The following TMED8 variants were observed in gnomAD, a reference collection of about 807,000 sequenced individuals.
TMED8 encodes transmembrane p24 trafficking protein family member 8.
In TMED8, 15 loss-of-function variants were observed where a neutral mutation model predicts 32.7. The observed-to-expected ratio is 0.46, with a 90% CI of 0.31 to 0.71. The LOEUF is 0.71. Ranked by LOEUF, TMED8 falls within the 30% of genes least tolerant of loss-of-function variation. The pLI is 0.06. For missense variants in TMED8, 390 were observed against 423.9 expected (o/e 0.92, Z 0.70); for synonymous variants, 147 against 161.4 (o/e 0.91, Z 0.68).
chr14:77,361,581 T>A (rs183253616), intron 1 of TMED8, among the ~76,000 whole-genome samples: 1 of 152,182 alleles, frequency 6.6e-6, no homozygotes, highest in African/African-American at 2.4e-5. Context: ...TTTAGAATTG[T>A]TTTTTCTACT....
At position 77,341,642 on chromosome 14, in the gene TMED8, A is replaced by G. The variant is rs1286601611; in HGVS notation, c.*129T>C. The G allele has an allele frequency of 1.1e-6, 1 of 884,088 alleles. No individual in the cohort carries two copies. Among genetic ancestry groups the G allele is most frequent in the Non-Finnish European group, 1.8e-6 (1 of 564,050 alleles). The allele number at this position is 884,088 out of a possible 1,614,324, so 54.8% of individuals were successfully genotyped here. On this transcript the variant is annotated 3_prime_UTR_variant, in exon 6 of 6. Transcript: ENST00000216468. ...AAGCTACGTGGGCCAACAGTCAGGC[A>G]TGCCAGACAGGGTGTGAGGCTCAGC...
chr14:77,339,928 TC>T lies in TMED8; in HGVS notation c.*1842del, dbSNP rs1188117252. 6.6e-6 allele frequency: 1 copy of T among 151,842 alleles called. No individual in the cohort carries two copies. The highest frequency in any genetic ancestry group is 1.5e-5 in the Non-Finnish European group (1 of 67,972). 9.4% of individuals were successfully genotyped at this position (151,842 alleles called of 1,614,324 possible). On this transcript the variant is annotated 3_prime_UTR_variant, in exon 6 of 6. Transcript: ENST00000216468. ...GCTACTAGGGACCCACTGGGAAGAG[TC>T]CCGTTCCTTGAGTTATGCTACTGTA...
chr14:77,353,997 C>T (rs78778445), intron 1 of TMED8, among the ~76,000 whole-genome samples: 4,087 of 152,264 alleles, frequency 0.027, 190 homozygotes, highest in African/African-American at 0.094. Flanking sequence ...ATATCCTTTC[C>T]CATATTGACA....
chr14:77,345,777 C>T (rs1051787762), intron 3 of TMED8, among the ~76,000 whole-genome samples: 2 of 151,716 alleles, frequency 1.3e-5, no homozygotes, highest in Non-Finnish European at 2.9e-5. Flanking sequence ...CGAGATTAGC[C>T]TGACCAATAT....
chr14:77,343,948 C>T, intron 3 of TMED8, 125 bp from the exon 4 acceptor site: 1 of 931,488 alleles, frequency 1.1e-6, no homozygotes, highest in African/African-American at 1.7e-5. Flanking sequence ...GCTTAATGTA[C>T]TAGTCAATGT....
rs968017176 is a variant in TMED8, at chr14:77,336,530, TA to T, written c.*5240del. ...GAATTCAAACAGGAGGGGCTTTGTT[TA>T]GCCTTCTTGGTTTAGGCAGGGACAA... On this transcript the variant is annotated 3_prime_UTR_variant, in exon 6 of 6. Transcript: ENST00000216468. 4.6e-5 allele frequency: 7 copies of T among 152,216 alleles called. No homozygotes were observed. The highest frequency in any genetic ancestry group is 1.7e-4 in the African/African-American group (7 of 41,442). The allele number at this position is 152,216 out of a possible 1,614,324, so 9.4% of individuals were successfully genotyped here.
chr14:77,367,562 T>C (rs138799394), intron 1 of TMED8, among the ~76,000 whole-genome samples: 190 of 152,306 alleles, frequency 1.2e-3, no homozygotes, highest in African/African-American at 4.4e-3. Flanking sequence ...GAATTCCATA[T>C]AAAGGAAAAT....
chr14:77,359,586 T>C (rs1893380957), intron 1 of TMED8: 2 of 411,652 alleles, frequency 4.9e-6, no homozygotes, highest in South Asian at 1.8e-5. Context: ...GAAGAGTGGC[T>C]TTCTACTTGA....
chr14:77,375,678 A>G (rs1233031417), intron 1 of TMED8, among the ~76,000 whole-genome samples: 2 of 152,208 alleles, frequency 1.3e-5, no homozygotes, highest in African/African-American at 4.8e-5. Flanking sequence ...ATAAGGCAGC[A>G]TTATGAGAGG....
At chr14:77,346,323 A>T (rs1893030810) in intron 3 of TMED8, 26 bp downstream of exon 3, 2 of 1,611,128 alleles carry the variant, frequency 1.2e-6, no homozygotes, top group Non-Finnish European at 1.7e-6. Context: ...TCCTTTCATA[A>T]GAAAGAGCCA....
chr14:77,372,359 AGGTTTTTT>A (rs1425530652), intron 1 of TMED8, among the ~76,000 whole-genome samples: 1 of 152,228 alleles, frequency 6.6e-6, no homozygotes, highest in African/African-American at 2.4e-5. Context: ...ACCAAAAAGC[AGGTTTTTT>A]TCAAAAGCAT....
chr14:77,342,053 G>T, intron 5 of TMED8, 65 bp from the exon 6 acceptor site: 1 of 1,428,584 alleles, frequency 7.0e-7, no homozygotes, highest in South Asian at 1.2e-5. Context: ...TGAGCGGAAG[G>T]ACCAGGTGAC....
intron 1 of TMED8, among the ~76,000 whole-genome samples, chr14:77,353,724 G>A (rs1183268184): frequency 6.6e-6 from 1 of 151,766 alleles, no homozygotes; most frequent in African/African-American, 2.4e-5. Flanking sequence ...GCCTCCCAAA[G>A]TGCTGAGATT....
chr14:77,372,671 G>A (rs900416700), intron 1 of TMED8, among the ~76,000 whole-genome samples: 7 of 151,682 alleles, frequency 4.6e-5, no homozygotes, highest in Non-Finnish European at 7.4e-5. Context: ...ACTGAATCAC[G>A]ACATGAATAA....
chr14:77,342,504 G>A (rs528595182), intron 5 of TMED8, among the ~76,000 whole-genome samples: 5 of 152,252 alleles, frequency 3.3e-5, no homozygotes, highest in South Asian at 2.1e-4. Flanking sequence ...TTCCCTGCCC[G>A]CTTGCTGTTC....
Position 77,364,484 on chromosome 14 carries a change from A to G in TMED8, c.118+12452T>C, listed in dbSNP as rs115810966. On this transcript the variant is annotated intron_variant, in intron 1 of 5. Transcript: ENST00000216468. ...GGTCTCAAACTCCTAGGCTCAAGCA[A>G]TCCTCCCACACGGGCCATCCATAGT... 4.9e-3 allele frequency among the ~76,000 whole-genome samples: 747 copies of G among 151,978 alleles called. 3 individuals carry two copies. Among genetic ancestry groups the G allele is most frequent in the African/African-American group, 0.017 (696 of 41,460 alleles).
chr14:77,354,757 C>T (rs1249742176), intron 1 of TMED8, among the ~76,000 whole-genome samples: 1 of 152,096 alleles, frequency 6.6e-6, no homozygotes, highest in Non-Finnish European at 1.5e-5. Context: ...AGTTCAAGAC[C>T]AGCCCGGCCA....
intron 3 of TMED8, 36 bp from the exon 4 acceptor site, chr14:77,343,859 G>T (rs375280384): frequency 1.3e-6 from 2 of 1,592,210 alleles, no homozygotes; most frequent in Admixed American, 3.4e-5. Flanking sequence ...GAGTATTCGA[G>T]TGGCAGATTC....
Position 77,341,602 on chromosome 14 carries a change from G to T in TMED8, c.*169C>A. ...GGGCACTACACCACCACCTGCAGAA[G>T]CCAAGAAGGGGAAAAAGCTACGTGG... On this transcript the variant is annotated 3_prime_UTR_variant, in exon 6 of 6. Transcript: ENST00000216468. The T allele has an allele frequency of 1.6e-6, 1 of 644,946 alleles. No individual in the cohort carries two copies. The highest frequency in any genetic ancestry group is 2.7e-6 in the Non-Finnish European group (1 of 368,724). 40.0% of individuals were successfully genotyped at this position (644,946 alleles called of 1,614,324 possible).
Sources: gnomAD v4.1 joint callset for allele counts (sites outside exome capture counted in the v4.1 genomes callset) on GRCh38, gnomAD v4.1.1 for gene constraint, MANE v1.5 for transcripts, NCBI Gene and HGNC (gene_info 2026-07-23, HGNC 2026-07-21) for gene names.